HMCN1: variants seen among roughly 807,000 people sequenced by gnomAD.
HMCN1 encodes the protein hemicentin 1.
A neutral mutation model predicts 625.9 loss-of-function variants in HMCN1; 321 were observed. The observed-to-expected ratio is 0.51, with a 90% CI of 0.47 to 0.56. HMCN1 has a LOEUF of 0.56. Ranked by LOEUF, HMCN1 falls within the 20% of genes least tolerant of loss-of-function variation. The probability of loss-of-function intolerance (pLI) is 0.00; values close to 1 mark genes in which losing one functional copy is unlikely to be tolerated. For synonymous variants in HMCN1, 2,425 were observed against 2,417.6 expected (o/e 1.00, Z -0.09); for missense variants, 6,588 against 6,887.3 (o/e 0.96, Z 1.54).
chr1:186,033,075 C>T (rs943202074), intron 36 of HMCN1, among the ~76,000 whole-genome samples: 3 of 151,728 alleles, frequency 2.0e-5, no homozygotes, highest in African/African-American at 7.3e-5. Context: ...CACACACACA[C>T]ACACACACAC....
chr1:185,929,476 A>G (rs577540532), intron 10 of HMCN1, among the ~76,000 whole-genome samples: 7 of 152,318 alleles, frequency 4.6e-5, no homozygotes, highest in Admixed American at 1.3e-4. Context: ...GCATTTATCT[A>G]TAATTGGAAA....
intron 1 of HMCN1, among the ~76,000 whole-genome samples, chr1:185,836,370 G>T (rs1661175001): frequency 6.6e-6 from 1 of 152,034 alleles, no homozygotes; most frequent in African/African-American, 2.4e-5. Flanking sequence ...TTCAGCACTT[G>T]TCCTTATGCA....
intron 42 of HMCN1, among the ~76,000 whole-genome samples, chr1:186,052,166 T>G (rs1240656249): frequency 1.3e-5 from 2 of 150,296 alleles, no homozygotes; most frequent in African/African-American, 4.9e-5. Context: ...GAGAGAGAAA[T>G]AAATTGGTTA....
At chr1:185,947,901 T>G (rs1269470838) in intron 11 of HMCN1, among the ~76,000 whole-genome samples, 13 of 152,236 alleles carry the variant, frequency 8.5e-5, no homozygotes, top group South Asian at 6.2e-4. Context: ...TGTGCTAGTT[T>G]CACGTGGAAA....
intron 1 of HMCN1, among the ~76,000 whole-genome samples, chr1:185,825,001 T>G (rs1029385219): frequency 2.0e-5 from 3 of 152,166 alleles, no homozygotes; most frequent in Admixed American, 2.0e-4. Flanking sequence ...ATGGCTGATG[T>G]ACTCCTTAAG....
At chr1:186,152,959 C>T (rs1348179679) in intron 96 of HMCN1, 88 bp downstream of exon 96, 7 of 1,511,092 alleles carry the variant, frequency 4.6e-6, no homozygotes, top group Non-Finnish European at 6.4e-6. Flanking sequence ...AACTTGTTCA[C>T]TCTGTGGGGG....
intron 40 of HMCN1, among the ~76,000 whole-genome samples, chr1:186,043,947 G>T (rs2102245141): frequency 6.6e-6 from 1 of 152,222 alleles, no homozygotes; most frequent in South Asian, 2.1e-4. Flanking sequence ...CAGGCGTGGT[G>T]GCACATGCCT....
In HMCN1 at chr1:186,002,974, C is replaced by T. The variant is rs542528036; in HGVS notation, c.4349-744C>T. 3.3e-5 allele frequency among the ~76,000 whole-genome samples: 5 copies of T among 152,256 alleles called. No homozygotes were observed. The South Asian group carries it at 1.0e-3, about 32-fold the overall frequency. ...CCTTCTGTGAAAGTCTATCATCATT[C>T]ATGAGCTGAATCAATGTAATAGCCT... On this transcript the variant is annotated intron_variant, in intron 28 of 106. Transcript: ENST00000271588.
intron 1 of HMCN1, among the ~76,000 whole-genome samples, chr1:185,752,947 A>G (rs1654911271): frequency 6.6e-6 from 1 of 152,178 alleles, no homozygotes; most frequent in Non-Finnish European, 1.5e-5. Flanking sequence ...CAATGTTAGC[A>G]AACCAATCTA....
chr1:185,917,711 G>T (rs1195583999), intron 6 of HMCN1, among the ~76,000 whole-genome samples: 1 of 152,188 alleles, frequency 6.6e-6, no homozygotes, highest in Non-Finnish European at 1.5e-5. Context: ...AATAGTTACT[G>T]CCTTGAAGGG....
intron 1 of HMCN1, among the ~76,000 whole-genome samples, chr1:185,736,263 CACAT>C (rs1653566690): frequency 6.6e-6 from 1 of 152,062 alleles, no homozygotes; most frequent in South Asian, 2.1e-4. Context: ...TATATACACA[CACAT>C]ACACATACAT....
chr1:185,860,639 C>T (rs1445737431), intron 2 of HMCN1, among the ~76,000 whole-genome samples: 1 of 152,044 alleles, frequency 6.6e-6, no homozygotes, highest in Non-Finnish European at 1.5e-5. Flanking sequence ...TTGACATTCT[C>T]CAATTTTCCT....
intron 1 of HMCN1, among the ~76,000 whole-genome samples, chr1:185,772,204 C>T (rs1656289001): frequency 6.6e-6 from 1 of 152,084 alleles, no homozygotes; most frequent in African/African-American, 2.4e-5. Context: ...ATATAACAGG[C>T]TGAAGATTTT....
intron 40 of HMCN1, among the ~76,000 whole-genome samples, chr1:186,042,170 C>A (rs1656253701): frequency 6.6e-6 from 1 of 152,112 alleles, no homozygotes; most frequent in Non-Finnish European, 1.5e-5. Context: ...GTTGCTCCTG[C>A]AATTGACACG....
intron 2 of HMCN1, among the ~76,000 whole-genome samples, chr1:185,854,502 G>C (rs1025208431): frequency 6.6e-6 from 1 of 151,534 alleles, no homozygotes; most frequent in African/African-American, 2.4e-5. Context: ...TGTCTGGGGA[G>C]CTTCTTTTAA....
intron 11 of HMCN1, among the ~76,000 whole-genome samples, chr1:185,951,005 C>T (rs1362483777): frequency 2.6e-5 from 4 of 151,144 alleles, no homozygotes; most frequent in East Asian, 3.9e-4. Flanking sequence ...TGATAACAGG[C>T]TTTAATCTTT....
intron 49 of HMCN1, among the ~76,000 whole-genome samples, chr1:186,066,742 T>G (rs1658143375): frequency 6.6e-6 from 1 of 152,192 alleles, no homozygotes; most frequent in South Asian, 2.1e-4. Flanking sequence ...CCAGTTATCC[T>G]CACATATCTT....
intron 1 of HMCN1, among the ~76,000 whole-genome samples, chr1:185,807,813 T>G (rs1391116065): frequency 6.6e-6 from 1 of 152,196 alleles, no homozygotes; most frequent in Non-Finnish European, 1.5e-5. Context: ...AGATGAGAGA[T>G]AACAAATTAA....
Position 186,130,522 on chromosome 1 carries a change from A to G in HMCN1, c.13055A>G (p.Lys4352Arg), listed in dbSNP as rs78541701. 2.2e-3 allele frequency: 3,513 copies of G among 1,613,378 alleles called. 65 individuals are homozygous for G. In the African/African-American group the frequency reaches 0.04, roughly 18 times the overall value. ...TGTTTTCCAGAACCTCCAGTCTTCAAAGGTGATTATCCTTCTAACTGGATT... is the reference window on the plus strand; with the variant it reads ...TGTTTTCCAGAACCTCCAGTCTTCAGAGGTGATTATCCTTCTAACTGGATT... The part of the protein sequence containing the change: ...FVYVKEPPVF[K>R]GDYPSNWIEP... The change falls in exon 85 of 107, where the codon AAA becomes AGA. Residue 4352 changes from lysine (K) to arginine (R), a missense_variant. Physicochemically the swap from Lys to Arg is conservative, Grantham distance 26. Around this residue, in one of 3 missense-constraint regions of HMCN1, gnomAD observed 1,954 missense variants for 2,013.1 expected, o/e 0.97. Coordinates refer to ENST00000271588, the MANE Select transcript of HMCN1 (RefSeq NM_031935.3).
Sources: gnomAD v4.1 joint callset for allele counts (sites outside exome capture counted in the v4.1 genomes callset) on GRCh38, gnomAD v4.1.1 for gene constraint, gnomAD v4.1.1 regional missense constraint, MANE v1.5 for transcripts, NCBI Gene and HGNC (gene_info 2026-07-23, HGNC 2026-07-21) for gene names.